The following LRRN3 variants were observed in gnomAD, a reference collection of about 807,000 sequenced individuals.
The protein encoded by LRRN3 is leucine rich repeat neuronal 3.
A neutral mutation model predicts 40.1 loss-of-function variants in LRRN3; 15 were observed. That is an observed-to-expected ratio of 0.37 (90% CI 0.25 to 0.58). LRRN3 has a LOEUF of 0.58. Among genes scored for constraint, LRRN3 ranks in the 20% least tolerant of loss-of-function variants. The pLI is 0.72. For missense variants in LRRN3, 746 were observed against 837.7 expected (o/e 0.89, Z 1.35); for synonymous variants, 308 against 297.2 (o/e 1.04, Z -0.37).
intron 2 of LRRN3, among the ~76,000 whole-genome samples, chr7:111,102,718 T>C (rs976194273): frequency 6.6e-6 from 1 of 151,546 alleles, no homozygotes; most frequent in Non-Finnish European, 1.5e-5. Flanking sequence ...TAATCCAGCT[T>C]CTTCGTGCTA....
rs1394576295 is a variant in LRRN3, at chr7:111,122,984, C to T, written c.212C>T (p.Thr71Ile). 11 of 1,614,026 alleles carry T rather than the reference C, an allele frequency of 6.8e-6. No homozygotes were observed. The highest frequency in any genetic ancestry group is 2.2e-5 in the East Asian group (1 of 44,868). ...TTCCCAGCCAGATTGCCAGCTAACA[C>T]ACAGATTCTTCTCCTACAGACTAAC... ...LTFPARLPAN[T>I]QILLLQTNNI... Residue 71 changes from threonine to isoleucine, a missense_variant, in exon 3 of 3, where the codon ACA (threonine) becomes ATA (isoleucine). Transcript: ENST00000308478.
chr7:111,104,434 C>T (rs781063096), intron 2 of LRRN3, among the ~76,000 whole-genome samples: 1 of 151,730 alleles, frequency 6.6e-6, no homozygotes, highest in Non-Finnish European at 1.5e-5. Context: ...GTTGATAATG[C>T]TCCATGTTTA....
At chr7:111,094,251 A>C (rs565761773) in intron 1 of LRRN3, among the ~76,000 whole-genome samples, 1 of 152,278 alleles carries the variant, frequency 6.6e-6, no homozygotes, top group South Asian at 2.1e-4. Context: ...TTTTAAAAAA[A>C]CACTTATGTA....
chr7:111,114,981 A>G (rs1207195933), intron 2 of LRRN3, among the ~76,000 whole-genome samples: 2 of 152,132 alleles, frequency 1.3e-5, no homozygotes, highest in African/African-American at 4.8e-5. Context: ...AGAGATCTCT[A>G]GTTTAATTAT....
intron 2 of LRRN3, among the ~76,000 whole-genome samples, chr7:111,112,164 C>T (rs534465693): frequency 1.1e-4 from 16 of 151,604 alleles, no homozygotes; most frequent in East Asian, 1.9e-4. Flanking sequence ...GACTGGGTTT[C>T]GCCATGTTGG....
At chr7:111,118,511 C>T (rs774746100) in intron 2 of LRRN3, among the ~76,000 whole-genome samples, 1 of 151,964 alleles carries the variant, frequency 6.6e-6, no homozygotes, top group Non-Finnish European at 1.5e-5. Context: ...CCCACCCCAC[C>T]ATTTATTTGT....
chr7:111,100,255 T>C (rs939938585), intron 2 of LRRN3, among the ~76,000 whole-genome samples: 5 of 151,524 alleles, frequency 3.3e-5, no homozygotes, highest in African/African-American at 9.7e-5. Flanking sequence ...CTGTACCCAA[T>C]GCCTTATCAC....
chr7:111,092,579 T>C (rs1236084597), intron 1 of LRRN3, among the ~76,000 whole-genome samples: 1 of 152,152 alleles, frequency 6.6e-6, no homozygotes, highest in Non-Finnish European at 1.5e-5. Flanking sequence ...GTACCATAAA[T>C]ATTACTGATA....
At position 111,125,120 on chromosome 7, in the gene LRRN3, C is replaced by G; in HGVS notation, c.*221C>G. 2.3e-6 allele frequency: 1 copy of G among 432,088 alleles called. No individual in the cohort carries two copies. The highest frequency in any genetic ancestry group is 4.2e-6 in the Non-Finnish European group (1 of 237,416). The allele number at this position is 432,088 out of a possible 1,614,324, so 26.8% of individuals were successfully genotyped here. Reference sequence around the variant, plus strand: ...TGGCTTCAAGGGGTACTGTGGCAACCAAATAAAATAACTCCATTTTCTAAA... The same window carrying G: ...TGGCTTCAAGGGGTACTGTGGCAACGAAATAAAATAACTCCATTTTCTAAA... On this transcript the variant is annotated 3_prime_UTR_variant, in exon 3 of 3. Transcript: ENST00000308478.
rs181425790 is a variant in LRRN3, at chr7:111,115,146, G to C, written c.-358-7269G>C. Among the ~76,000 whole-genome samples, 3 of 152,230 alleles carry C rather than the reference G, an allele frequency of 2.0e-5. No homozygotes were observed. In the East Asian group the frequency reaches 5.8e-4, roughly 29 times the overall value. ...ATGCTAAATAACAAGGTAAATAAAA[G>C]AGAGGTTAAAAAGGCAAATCAGGCA... On this transcript the variant is annotated intron_variant, in intron 2 of 2. Coordinates refer to ENST00000308478, the MANE Select transcript of LRRN3 (RefSeq NM_001099658.2).
At chr7:111,104,901 G>C (rs1338670758) in intron 2 of LRRN3, among the ~76,000 whole-genome samples, 1 of 151,694 alleles carries the variant, frequency 6.6e-6, no homozygotes, top group African/African-American at 2.4e-5. Flanking sequence ...GAGAGAAGGG[G>C]ACAGTCTCTC....
At chr7:111,105,853 C>A (rs1798492925) in intron 2 of LRRN3, among the ~76,000 whole-genome samples, 1 of 151,714 alleles carries the variant, frequency 6.6e-6, no homozygotes, top group Non-Finnish European at 1.5e-5. Flanking sequence ...TTATAGCATC[C>A]CCACTTTTTA....
chr7:111,101,050 C>T lies in LRRN3; in HGVS notation c.-359+1088C>T, dbSNP rs191539128. Among the ~76,000 whole-genome samples the T allele has an allele frequency of 3.2e-3, 478 of 151,582 alleles. 6 individuals carry two copies. The highest frequency in any genetic ancestry group is 0.029 in the Admixed American group (442 of 15,144). ...ATGGTAACTCCTCCTCCTTGATCAC[C>T]ACATTCTGCCTCCACACCTGCTAGC... On this transcript the variant is annotated intron_variant, in intron 2 of 2. Coordinates refer to ENST00000308478, the MANE Select transcript of LRRN3 (RefSeq NM_001099658.2).
At chr7:111,101,607 G>T (rs1371867028) in intron 2 of LRRN3, among the ~76,000 whole-genome samples, 1 of 151,228 alleles carries the variant, frequency 6.6e-6, no homozygotes, top group Non-Finnish European at 1.5e-5. Flanking sequence ...GGTACAACAG[G>T]TACAATAGGT....
intron 1 of LRRN3, among the ~76,000 whole-genome samples, chr7:111,093,280 T>C (rs748327788): frequency 3.3e-5 from 5 of 152,144 alleles, no homozygotes; most frequent in Admixed American, 6.5e-5. Flanking sequence ...CCACATGCAA[T>C]CTATAAAAAA....
chr7:111,123,548 T>C lies in LRRN3; in HGVS notation c.776T>C (p.Val259Ala). 1.2e-6 allele frequency: 2 copies of C among 1,613,902 alleles called. No homozygotes were observed. Among genetic ancestry groups the C allele is most frequent in the South Asian group, 1.1e-5 (1 of 91,064 alleles). ...GTACCCCATGTTGCTCTTCAAAAAG[T>C]TGTAAATCTCAAATTTTTGGATCTA... Reference protein sequence around the residue: ...IKVPHVALQKVVNLKFLDLNK... With the variant: ...IKVPHVALQKAVNLKFLDLNK... The change falls in exon 3 of 3, where the codon GTT (valine) becomes GCT (alanine). Residue 259 changes from valine (V) to alanine (A), a missense_variant. Physicochemically the swap from Val to Ala is moderately conservative, Grantham distance 64. Transcript: ENST00000308478. The surrounding 1 kb of genome is among the most constrained non-coding windows in gnomAD (Gnocchi z 6.4).
At chr7:111,108,697 A>T (rs1798826449) in intron 2 of LRRN3, among the ~76,000 whole-genome samples, 1 of 152,190 alleles carries the variant, frequency 6.6e-6, no homozygotes, top group Admixed American at 6.5e-5. Context: ...AATTTAAAAA[A>T]AACATATTTA....
chr7:111,120,882 T>TG (rs1166333963), intron 2 of LRRN3, among the ~76,000 whole-genome samples: 1 of 152,064 alleles, frequency 6.6e-6, no homozygotes, highest in Non-Finnish European at 1.5e-5. Flanking sequence ...CTCATTTGGT[T>TG]GTAAGTGAAC....
chr7:111,096,742 A>T (rs1263077268), intron 1 of LRRN3, among the ~76,000 whole-genome samples: 1 of 151,890 alleles, frequency 6.6e-6, no homozygotes, highest in Non-Finnish European at 1.5e-5. Context: ...AAGAACCCCC[A>T]ATGGATCAAG....
Sources: gnomAD v4.1 joint callset for allele counts (sites outside exome capture counted in the v4.1 genomes callset) on GRCh38, gnomAD v4.1.1 for gene constraint, Gnocchi (gnomAD v3.1) non-coding constraint, MANE v1.5 for transcripts, NCBI Gene and HGNC (gene_info 2026-07-23, HGNC 2026-07-21) for gene names.